Variants in FGF4 observed in about 807,000 individuals in gnomAD.
FGF4 encodes fibroblast growth factor 4, also known as heparin secretory transforming protein 1.
In FGF4, 9 loss-of-function variants were observed where a neutral mutation model predicts 15.7. The ratio of observed to expected loss-of-function variants is 0.57; its 90% confidence interval spans 0.35 to 1.00. The LOEUF is 1.00. Ranked by LOEUF, FGF4 falls within the 50% of genes least tolerant of loss-of-function variation. FGF4 has a pLI of 0.02. For missense variants in FGF4, 286 were observed against 297.3 expected (o/e 0.96, Z 0.28); for synonymous variants, 164 against 144.8 (o/e 1.13, Z -0.95).
chr11:69,774,899 C>A lies in FGF4; in HGVS notation c.186G>T (p.Ala62=). 6.7e-7 allele frequency: 1 copy of A among 1,484,174 alleles called. No individual in the cohort carries two copies. The highest frequency in any genetic ancestry group is 8.9e-7 in the Non-Finnish European group (1 of 1,125,082). 91.9% of individuals were successfully genotyped at this position (1,484,174 alleles called of 1,614,324 possible). ...TCTGGACGGCCGCCTCCTTGGGCTGCGCTGCCACCGGCAGGCGCGCCAACG... is the reference window on the plus strand; with the variant it reads ...TCTGGACGGCCGCCTCCTTGGGCTGAGCTGCCACCGGCAGGCGCGCCAACG... The part of the protein sequence containing the change: ...ALSLARLPVA[A]QPKEAAVQSG... Residue 62 remains alanine, a synonymous_variant, in exon 1 of 3, where the codon GCG becomes GCT. Coordinates refer to ENST00000168712, the MANE Select transcript of FGF4 (RefSeq NM_002007.4).
rs1255155362 is a variant in FGF4 at position 69,773,206 on chromosome 11, A to T, written c.*103T>A. 8.7e-6 allele frequency: 7 copies of T among 805,518 alleles called. No individual in the cohort carries two copies. The highest frequency in any genetic ancestry group is 1.4e-5 in the Non-Finnish European group (7 of 495,268). The allele number at this position is 805,518 out of a possible 1,614,324, so 49.9% of individuals were successfully genotyped here. On this transcript the variant is annotated 3_prime_UTR_variant, in exon 3 of 3. Coordinates refer to ENST00000168712, the MANE Select transcript of FGF4 (RefSeq NM_002007.4). The stretch of plus-strand genomic sequence containing the variant: ...TAATTAATTTAAATATCTTACACCT[A>T]CTCTTGCATTAAACTCTTCATCCGA...
At chr11:69,773,882 G>C in intron 2 of FGF4, 142 bp downstream of exon 2, 1 of 651,128 alleles carries the variant, frequency 1.5e-6, no homozygotes, top group Non-Finnish European at 2.7e-6. Context: ...CCTTTGTCTG[G>C]GGAGGCCTGC....
rs1365305125 is a variant in FGF4 at position 69,771,610 on chromosome 11, T to C, written c.*1699A>G. ...CAGCAGTTTAAGATGTGTGGTCCTG[T>C]CTTAGCGGCTTTGCAAGTGTCTTCT... On this transcript the variant is annotated 3_prime_UTR_variant, in exon 3 of 3. Transcript: ENST00000168712. 6.6e-6 allele frequency: 1 copy of C among 152,228 alleles called. No individual in the cohort carries two copies. Among genetic ancestry groups the C allele is most frequent in the African/African-American group, 2.4e-5 (1 of 41,458 alleles). The allele number at this position is 152,228 out of a possible 1,614,324, so 9.4% of individuals were successfully genotyped here. A position where few individuals can be genotyped will look rare whatever the true frequency, so the allele number is the denominator to read the frequency against.
In FGF4 at chr11:69,774,140, C is replaced by A; in HGVS notation, c.341-13G>T. ...AGCTCCAGCAGGCCTGGGGGCGGGG[C>A]GCAGGTCATTGCGGGGCAGGTGATC... On this transcript the variant is annotated splice_polypyrimidine_tract_variant and intron_variant, in intron 1 of 2. Transcript: ENST00000168712. The A allele has an allele frequency of 6.2e-7, 1 of 1,604,044 alleles. No individual in the cohort carries two copies. The highest frequency in any genetic ancestry group is 8.5e-7 in the Non-Finnish European group (1 of 1,174,586).
Position 69,775,248 on chromosome 11 carries a change from C to A in FGF4, c.-164G>T, listed in dbSNP as rs1415812892. 2.3e-6 allele frequency: 1 copy of A among 429,344 alleles called. No homozygotes were observed. Among genetic ancestry groups the A allele is most frequent in the Non-Finnish European group, 3.9e-6 (1 of 256,256 alleles). The allele number at this position is 429,344 out of a possible 1,614,324, so 26.6% of individuals were successfully genotyped here. A position where few individuals can be genotyped will look rare whatever the true frequency, so the allele number is the denominator to read the frequency against. The stretch of plus-strand genomic sequence containing the variant: ...AGCGACGGGGCCCCCGGGCGCCGGG[C>A]TCTACCCCGGCTGCATGGAGCGGCG... On this transcript the variant is annotated 5_prime_UTR_variant, in exon 1 of 3. Transcript: ENST00000168712.
rs966185216 is a variant in FGF4 at position 69,774,015 on chromosome 11, G to A, written c.444+9C>T. The stretch of plus-strand genomic sequence containing the variant: ...ACTAGGTGCCTAGCCAGACCCCTGC[G>A]GTACTCACCGAGCCATAGAGCTTGC... On this transcript the variant is annotated intron_variant, in intron 2 of 2. Coordinates refer to ENST00000168712, the MANE Select transcript of FGF4 (RefSeq NM_002007.4). 1 of 1,607,752 alleles carries A rather than the reference G, an allele frequency of 6.2e-7. No homozygotes were observed. The highest frequency in any genetic ancestry group is 8.5e-7 in the Non-Finnish European group (1 of 1,176,264).
intron 1 of FGF4, among the ~76,000 whole-genome samples, chr11:69,774,430 CGCG>C (rs1855613807): frequency 6.6e-6 from 1 of 152,176 alleles, no homozygotes; most frequent in South Asian, 2.1e-4. Context: ...CAGGCCGGGG[CGCG>C]TGTCTCGGGC....
Position 69,771,106 on chromosome 11 carries a change from C to T in FGF4, c.*2203G>A, listed in dbSNP as rs898241967. 2.6e-5 allele frequency: 4 copies of T among 152,198 alleles called. No individual in the cohort carries two copies. The highest frequency in any genetic ancestry group is 4.4e-5 in the Non-Finnish European group (3 of 68,050). 9.4% of individuals were successfully genotyped at this position (152,198 alleles called of 1,614,324 possible). ...GTGGTGTCTTTTTATACACGATAAA[C>T]GCTTATCATTGTCGGTCAGCATGTC... On this transcript the variant is annotated 3_prime_UTR_variant, in exon 3 of 3. Coordinates refer to ENST00000168712, the MANE Select transcript of FGF4 (RefSeq NM_002007.4).
chr11:69,774,172 C>T (rs770654649), intron 1 of FGF4, 45 bp from the exon 2 acceptor site: 1 of 1,470,872 alleles, frequency 6.8e-7, no homozygotes, highest in South Asian at 1.2e-5. Flanking sequence ...GATCCCTGGC[C>T]CACTCCGCCC....
chr11:69,773,522 C>A, intron 2 of FGF4, 37 bp from the exon 3 acceptor site: 1 of 1,609,454 alleles, frequency 6.2e-7, no homozygotes, highest in Non-Finnish European at 8.5e-7. Flanking sequence ...GCTGGGGCAC[C>A]TCTTGGGCAA....
Position 69,775,107 on chromosome 11 carries a change from G to T in FGF4, c.-23C>A. Reference sequence around the variant, plus strand: ...CATCCCGGCCCGAGGGCCGTGCGTCGGTCAGGCGGTCAGTGCGCCCGGGAA... The same window carrying T: ...CATCCCGGCCCGAGGGCCGTGCGTCTGTCAGGCGGTCAGTGCGCCCGGGAA... On this transcript the variant is annotated 5_prime_UTR_variant, in exon 1 of 3. Coordinates refer to ENST00000168712, the MANE Select transcript of FGF4 (RefSeq NM_002007.4). The T allele has an allele frequency of 7.8e-7, 1 of 1,277,646 alleles. No individual in the cohort carries two copies. The highest frequency in any genetic ancestry group is 9.9e-7 in the Non-Finnish European group (1 of 1,011,328). 79.1% of individuals were successfully genotyped at this position (1,277,646 alleles called of 1,614,324 possible).
chr11:69,774,946 A>C lies in FGF4; in HGVS notation c.139T>G (p.Trp47Gly), dbSNP rs1368149178. The C allele has an allele frequency of 1.4e-6, 2 of 1,477,900 alleles. No homozygotes were observed. The highest frequency in any genetic ancestry group is 2.9e-5 in the African/African-American group (2 of 68,048). The allele number at this position is 1,477,900 out of a possible 1,614,324, so 91.5% of individuals were successfully genotyped here. Residue 47 changes from tryptophan to glycine, a missense_variant, in exon 1 of 3, where the codon TGG (tryptophan) becomes GGG (glycine). Physicochemically the swap from Trp to Gly is radical, Grantham distance 184. Transcript: ENST00000168712. ...AACGAGAGCGCCACCAGGCTCTCCCAGCGGCGCTCCAGCTCGGCCTCCAGC... is the reference window on the plus strand; with the variant it reads ...AACGAGAGCGCCACCAGGCTCTCCCCGCGGCGCTCCAGCTCGGCCTCCAGC... ...GTLEAELERR[W>G]ESLVALSLAR...
chr11:69,774,380 TCA>T (rs1486419789), intron 1 of FGF4, among the ~76,000 whole-genome samples: 1 of 151,536 alleles, frequency 6.6e-6, no homozygotes, highest in Non-Finnish European at 1.5e-5. Flanking sequence ...TCCCGGACCT[TCA>T]GACGCGAGCC....
At chr11:69,774,656 G>T in intron 1 of FGF4, 89 bp downstream of exon 1, 2 of 1,055,630 alleles carry the variant, frequency 1.9e-6, no homozygotes, top group Non-Finnish European at 2.5e-6. Flanking sequence ...GCAGGTGCCC[G>T]CCGAGGGTCT....
At chr11:69,774,324 T>A (rs1855612277) in intron 1 of FGF4, among the ~76,000 whole-genome samples, 197 bp from the exon 2 acceptor site, 1 of 152,078 alleles carries the variant, frequency 6.6e-6, no homozygotes, top group African/African-American at 2.4e-5. Flanking sequence ...CTGCGCTAGC[T>A]CAGATTAGCT....
At position 69,775,013 on chromosome 11, in the gene FGF4, C is replaced by G. The variant is rs771102075; in HGVS notation, c.72G>C (p.Ala24=). Residue 24 remains alanine (A), a synonymous_variant, in exon 1 of 3, where the codon GCG becomes GCC. Transcript: ENST00000168712. ...AVLLALLAPW[A]GRGGAAAPTA... is the part of the protein sequence containing the mutation. ...TGGGTGCGGCGGCGCCCCCTCGGCC[C>G]GCCCAGGGCGCCAGCAAGGCCAGCA... 6.9e-7 allele frequency: 1 copy of G among 1,441,026 alleles called. No homozygotes were observed. The highest frequency in any genetic ancestry group is 9.1e-7 in the Non-Finnish European group (1 of 1,103,612). 89.3% of individuals were successfully genotyped at this position (1,441,026 alleles called of 1,614,324 possible).
In FGF4 at chr11:69,775,217, G is replaced by A. The variant is rs1269296990; in HGVS notation, c.-133C>T. ...GGAGTGCGCAACCGAGGAGGTGCGG[G>A]AGGCAAGCGACGGGGCCCCCGGGCG... On this transcript the variant is annotated 5_prime_UTR_variant, in exon 1 of 3. Coordinates refer to ENST00000168712, the MANE Select transcript of FGF4 (RefSeq NM_002007.4). The A allele has an allele frequency of 3.4e-6, 2 of 583,730 alleles. No homozygotes were observed. Among genetic ancestry groups the A allele is most frequent in the Non-Finnish European group, 5.0e-6 (2 of 397,136 alleles). The allele number at this position is 583,730 out of a possible 1,614,324, so 36.2% of individuals were successfully genotyped here.
rs1159836495 is a variant in FGF4 at position 69,771,515 on chromosome 11, T to C, written c.*1794A>G. ...ACAGCATGGAGACCTACAAACACCA[T>C]CTTTCCTGAACACTCCTGGAGCCTA... is the stretch of plus-strand genomic sequence containing the variant. On this transcript the variant is annotated 3_prime_UTR_variant, in exon 3 of 3. Transcript: ENST00000168712. The C allele has an allele frequency of 6.6e-6, 1 of 152,168 alleles. No individual in the cohort carries two copies. Among genetic ancestry groups the C allele is most frequent in the Non-Finnish European group, 1.5e-5 (1 of 68,036 alleles). The allele number at this position is 152,168 out of a possible 1,614,324, so 9.4% of individuals were successfully genotyped here. A position where few individuals can be genotyped will look rare whatever the true frequency, so the allele number is the denominator to read the frequency against.
chr11:69,773,590 G>A, intron 2 of FGF4, 105 bp from the exon 3 acceptor site: 1 of 1,087,984 alleles, frequency 9.2e-7, no homozygotes, highest in East Asian at 2.4e-5. Context: ...CCCACCCTGG[G>A]CTGAGATGTC....
Sources: allele counts gnomAD v4.1 joint callset (sites outside exome capture counted in the v4.1 genomes callset), GRCh38; gene constraint gnomAD v4.1.1; transcripts MANE v1.5; gene names NCBI Gene and HGNC (gene_info 2026-07-23, HGNC 2026-07-21).